PDE9A: variants seen among roughly 807,000 people sequenced by gnomAD.
PDE9A encodes the protein high affinity cGMP-specific 3',5'-cyclic phosphodiesterase 9A.
Under a neutral mutation model 87.4 loss-of-function variants are expected in PDE9A, and 60 were observed. The observed-to-expected ratio is 0.69, with a 90% CI of 0.56 to 0.85. PDE9A has a LOEUF of 0.85. Ranked by LOEUF, PDE9A falls within the 40% of genes least tolerant of loss-of-function variation. The pLI is 0.00. For synonymous variants in PDE9A, 272 were observed against 279.4 expected (o/e 0.97, Z 0.27); for missense variants, 665 against 779.0 (o/e 0.85, Z 1.74).
Position 42,760,372 on chromosome 21 carries a change from C to T in PDE9A, c.942C>T (p.Phe314=). 1 of 1,610,472 alleles carries T rather than the reference C, an allele frequency of 6.2e-7. No homozygotes were observed. The highest frequency in any genetic ancestry group is 8.5e-7 in the Non-Finnish European group (1 of 1,179,572). Residue 314 remains phenylalanine (F), a synonymous_variant, in exon 12 of 20, where the codon TTC becomes TTT. Coordinates refer to ENST00000291539, the MANE Select transcript of PDE9A (RefSeq NM_002606.3). This position sits in a 1 kb window ranked among gnomAD's most constrained non-coding sequence, Gnocchi z 5.2. The stretch of plus-strand genomic sequence containing the variant: ...ACAGAAACAACCCCTTCCACAACTT[C>T]CGGCACTGCTTCTGCGTGGCCCAGA... ...DNYRNNPFHN[F]RHCFCVAQMM...
chr21:42,725,955 G>A (rs879337192), intron 4 of PDE9A, among the ~76,000 whole-genome samples: 45 of 152,138 alleles, frequency 3.0e-4, no homozygotes, highest in Non-Finnish European at 4.0e-4. Flanking sequence ...CACCAGCCAC[G>A]AGTGAGTGAG....
intron 1 of PDE9A, among the ~76,000 whole-genome samples, chr21:42,670,347 T>TAC (rs377130654): frequency 1.9e-5 from 2 of 103,216 alleles, no homozygotes; most frequent in Non-Finnish European, 3.7e-5. Context: ...CACATACATT[T>TAC]ACACACACAT....
intron 7 of PDE9A, among the ~76,000 whole-genome samples, chr21:42,736,269 C>T (rs979434782): frequency 6.6e-6 from 1 of 152,142 alleles, no homozygotes. Context: ...AATAGTAACC[C>T]TGTGTGTCTT....
At position 42,758,922 on chromosome 21, in the gene PDE9A, A is replaced by G. The variant is rs113738260; in HGVS notation, c.811-77A>G. 1.4e-3 allele frequency: 1,523 copies of G among 1,110,382 alleles called. 11 individuals are homozygous for G. The African/African-American group carries it at 0.018, about 13-fold the overall frequency. The allele number at this position is 1,110,382 out of a possible 1,614,324, so 68.8% of individuals were successfully genotyped here. A position where few individuals can be genotyped will look rare whatever the true frequency, so the allele number is the denominator to read the frequency against. On this transcript the variant is annotated intron_variant, in intron 10 of 19. Transcript: ENST00000291539. ...ACGGCCCTGCTGGCACTCCGAGGAC[A>G]GCAGAGGGAAGGAAGCCAGGGGCTG...
At chr21:42,678,348 G>T (rs1278284980) in intron 1 of PDE9A, among the ~76,000 whole-genome samples, 3 of 152,198 alleles carry the variant, frequency 2.0e-5, no homozygotes, top group African/African-American at 7.2e-5. Flanking sequence ...AAATGGCAAG[G>T]GTAAATGGGG....
chr21:42,772,318 C>A, intron 18 of PDE9A, 121 bp from the exon 19 acceptor site: 1 of 656,534 alleles, frequency 1.5e-6, no homozygotes, highest in South Asian at 1.7e-5. Context: ...CTCAGAGGGG[C>A]TGGGGACCAC....
chr21:42,767,046 A>G (rs1182021665), intron 15 of PDE9A, among the ~76,000 whole-genome samples: 1 of 152,144 alleles, frequency 6.6e-6, no homozygotes, highest in African/African-American at 2.4e-5. Flanking sequence ...GTTTATCCCA[A>G]CGACCTGCAC....
At chr21:42,747,269 C>T (rs1407794440) in intron 8 of PDE9A, among the ~76,000 whole-genome samples, 1 of 149,438 alleles carries the variant, frequency 6.7e-6, no homozygotes, top group Non-Finnish European at 1.5e-5. Flanking sequence ...CTCAGTTAAG[C>T]TGGAACTTCC....
In PDE9A at chr21:42,751,114, A is replaced by C; in HGVS notation, c.654-2A>C. 6.2e-7 allele frequency: 1 copy of C among 1,600,048 alleles called. No homozygotes were observed. Among genetic ancestry groups the C allele is most frequent in the Admixed American group, 1.7e-5 (1 of 60,012 alleles). On this transcript the variant is annotated splice_acceptor_variant, in intron 8 of 19. Coordinates refer to ENST00000291539, the MANE Select transcript of PDE9A (RefSeq NM_002606.3). LOFTEE classifies it high-confidence loss of function. The stretch of plus-strand genomic sequence containing the variant: ...CAGCTCATCTCTGCTCCTTCTCTCT[A>C]GGACCAACTGCCCCTGTAAGTACAG...
intron 1 of PDE9A, among the ~76,000 whole-genome samples, chr21:42,678,109 T>A (rs996808969): frequency 1.3e-5 from 2 of 152,120 alleles, no homozygotes; most frequent in African/African-American, 4.8e-5. Context: ...GCTCCTCAAA[T>A]AGAAATAGAA....
rs373157349 is a variant in PDE9A, at chr21:42,705,916, C to T, written c.262+6905C>T. 6.6e-6 allele frequency among the ~76,000 whole-genome samples: 1 copy of T among 152,156 alleles called. No individual in the cohort carries two copies. Among genetic ancestry groups the T allele is most frequent in the Non-Finnish European group, 1.5e-5 (1 of 68,002 alleles). On this transcript the variant is annotated intron_variant, in intron 4 of 19. Transcript: ENST00000291539. This position sits in a 1 kb window ranked among gnomAD's most constrained non-coding sequence, Gnocchi z 4.3. ...ACATTCTACTCCCCTGGCCAGAGAC[C>T]GAGGGTGACTCGGAGGCTTCCAGTT...
intron 10 of PDE9A, among the ~76,000 whole-genome samples, chr21:42,756,004 A>G (rs2055000468): frequency 6.6e-6 from 1 of 152,218 alleles, no homozygotes; most frequent in South Asian, 2.1e-4. Flanking sequence ...CTGTGTCTCC[A>G]TAATAGAAAG....
In PDE9A at chr21:42,694,078, C is replaced by T. The variant is rs1455437027; in HGVS notation, c.219-4890C>T. 6.6e-6 allele frequency among the ~76,000 whole-genome samples: 1 copy of T among 152,164 alleles called. No individual in the cohort carries two copies. Among genetic ancestry groups the T allele is most frequent in the African/African-American group, 2.4e-5 (1 of 41,442 alleles). ...TACCCCACCCTCTGGTGACCAGAAG[C>T]TTATGTCTACCAGACCCAGGGCCTT... On this transcript the variant is annotated intron_variant, in intron 3 of 19. Coordinates refer to ENST00000291539, the MANE Select transcript of PDE9A (RefSeq NM_002606.3). The surrounding 1 kb of genome is among the most constrained non-coding windows in gnomAD (Gnocchi z 5.3).
intron 4 of PDE9A, among the ~76,000 whole-genome samples, chr21:42,713,232 T>G (rs2049508428): frequency 6.6e-6 from 1 of 152,204 alleles, no homozygotes; most frequent in Non-Finnish European, 1.5e-5. Context: ...CCTCCAGGCT[T>G]CAAGTGATTC....
At chr21:42,761,811 G>A (rs79718814) in intron 13 of PDE9A, among the ~76,000 whole-genome samples, 112 of 152,326 alleles carry the variant, frequency 7.4e-4, no homozygotes, top group African/African-American at 2.3e-3. Flanking sequence ...ACAAGAGGCC[G>A]TGATGCCTCA....
At chr21:42,766,349 C>T (rs987249723) in intron 15 of PDE9A, among the ~76,000 whole-genome samples, 2 of 152,010 alleles carry the variant, frequency 1.3e-5, no homozygotes, top group African/African-American at 4.8e-5. Flanking sequence ...GAGAGAGGTG[C>T]ATGAGAACTG....
chr21:42,764,569 G>A (rs1295352813), intron 14 of PDE9A, among the ~76,000 whole-genome samples: 1 of 152,234 alleles, frequency 6.6e-6, no homozygotes, highest in East Asian at 1.9e-4. Flanking sequence ...AGAAGGAGGC[G>A]GCACCTGATT....
chr21:42,672,277 G>A (rs1016396134), intron 1 of PDE9A, among the ~76,000 whole-genome samples: 4 of 151,118 alleles, frequency 2.6e-5, no homozygotes, highest in African/African-American at 9.7e-5. Flanking sequence ...GGAGCTGAGG[G>A]CCTGGAGCAG....
At position 42,659,794 on chromosome 21, in the gene PDE9A, G is replaced by A. The variant is rs748579988; in HGVS notation, c.69+5911G>A. 9.9e-5 allele frequency among the ~76,000 whole-genome samples: 15 copies of A among 152,206 alleles called. No individual in the cohort carries two copies. Among genetic ancestry groups the A allele is most frequent in the Non-Finnish European group, 2.1e-4 (14 of 68,044 alleles). On this transcript the variant is annotated intron_variant, in intron 1 of 19. Transcript: ENST00000291539. The surrounding 1 kb of genome is among the most constrained non-coding windows in gnomAD (Gnocchi z 4.1). The stretch of plus-strand genomic sequence containing the variant: ...CCTTCGTCTTCCAGCCAGCCTCTCC[G>A]GAGCTCAGTGTGGGTGGAGGGGCTG...
Sources: gnomAD v4.1 joint callset for allele counts (sites outside exome capture counted in the v4.1 genomes callset) on GRCh38, gnomAD v4.1.1 for gene constraint, Gnocchi (gnomAD v3.1) non-coding constraint, MANE v1.5 for transcripts, NCBI Gene and HGNC (gene_info 2026-07-23, HGNC 2026-07-21) for gene names.